Variants in BCAS3 observed in about 807,000 individuals in gnomAD.
BCAS3 encodes BCAS4/BCAS3 fusion.
BCAS3 carries 53 observed loss-of-function variants against 116.1 expected under a neutral mutation model. That is an observed-to-expected ratio of 0.46 (90% CI 0.37 to 0.57). The LOEUF (loss-of-function observed/expected upper bound fraction) is 0.57. Among genes scored for constraint, BCAS3 ranks in the 20% least tolerant of loss-of-function variants. The pLI, the probability that BCAS3 is intolerant of heterozygous loss-of-function variation, is 0.00. For synonymous variants in BCAS3, 391 were observed against 408.2 expected (o/e 0.96, Z 0.51); for missense variants, 917 against 1,165.4 (o/e 0.79, Z 3.10).
rs1467571278 is a variant in BCAS3, at chr17:61,188,904, A to G, written c.2425+104340A>G. 6.6e-6 allele frequency among the ~76,000 whole-genome samples: 1 copy of G among 152,150 alleles called. No homozygotes were observed. The highest frequency in any genetic ancestry group is 1.5e-5 in the Non-Finnish European group (1 of 68,026). On this transcript the variant is annotated intron_variant, in intron 22 of 23. Transcript: ENST00000407086. This position sits in a 1 kb window ranked among gnomAD's most constrained non-coding sequence, Gnocchi z 4.0. ...GGTGGGAGGAGCCTGGGAGGTTGAGACCAGTCTGAGCAACATAGTGAGACC... is the reference window on the plus strand; with the variant it reads ...GGTGGGAGGAGCCTGGGAGGTTGAGGCCAGTCTGAGCAACATAGTGAGACC...
At position 61,322,090 on chromosome 17, in the gene BCAS3, C is replaced by T. The variant is rs554076638; in HGVS notation, c.2426-46237C>T. Among the ~76,000 whole-genome samples, 12 of 152,134 alleles carry T rather than the reference C, an allele frequency of 7.9e-5. No homozygotes were observed. In the South Asian group the frequency reaches 1.5e-3, roughly 18 times the overall value. On this transcript the variant is annotated intron_variant, in intron 22 of 23. Coordinates refer to ENST00000407086, the MANE Select transcript of BCAS3 (RefSeq NM_017679.5). The stretch of plus-strand genomic sequence containing the variant: ...CTGGGATTACAGGCATGCACCACCA[C>T]GCCTGGCTACTTTTTGTATTTTTAG...
At chr17:60,849,249 T>C (rs1322327374) in intron 7 of BCAS3, among the ~76,000 whole-genome samples, 1 of 151,910 alleles carries the variant, frequency 6.6e-6, no homozygotes, top group East Asian at 1.9e-4. Context: ...AAATAACATG[T>C]AATTTCACAA....
At position 61,222,045 on chromosome 17, in the gene BCAS3, T is replaced by C. The variant is rs2082140063; in HGVS notation, c.2425+137481T>C. 6.6e-6 allele frequency among the ~76,000 whole-genome samples: 1 copy of C among 152,208 alleles called. No individual in the cohort carries two copies. The highest frequency in any genetic ancestry group is 1.5e-5 in the Non-Finnish European group (1 of 68,040). ...TATTACTATTACTATTAAGAATACA[T>C]ACCTGCTGCTCACTAAGTGTACATA... On this transcript the variant is annotated intron_variant, in intron 22 of 23. Coordinates refer to ENST00000407086, the MANE Select transcript of BCAS3 (RefSeq NM_017679.5). The surrounding 1 kb of genome is among the most constrained non-coding windows in gnomAD (Gnocchi z 6.1).
At chr17:61,207,447 A>G (rs2081209608) in intron 22 of BCAS3, among the ~76,000 whole-genome samples, 1 of 152,162 alleles carries the variant, frequency 6.6e-6, no homozygotes, top group East Asian at 1.9e-4. Context: ...AAATGTGTCC[A>G]AGGTTACAAA....
In BCAS3 at chr17:61,279,189, C is replaced by T. The variant is rs142279083; in HGVS notation, c.2426-89138C>T. Among the ~76,000 whole-genome samples the T allele has an allele frequency of 2.6e-3, 400 of 152,190 alleles. 2 individuals are homozygous for T. The highest frequency in any genetic ancestry group is 4.7e-3 in the Non-Finnish European group (323 of 68,002). On this transcript the variant is annotated intron_variant, in intron 22 of 23. Coordinates refer to ENST00000407086, the MANE Select transcript of BCAS3 (RefSeq NM_017679.5). This position sits in a 1 kb window ranked among gnomAD's most constrained non-coding sequence, Gnocchi z 4.4. ...CTTGAACTCCTGACCTCAAGTGATC[C>T]GCCCACCTCGGCCTCCCAAAGTGTT...
At chr17:61,024,352 A>T (rs79036143) in intron 16 of BCAS3, among the ~76,000 whole-genome samples, 245 of 152,296 alleles carry the variant, frequency 1.6e-3, no homozygotes, top group African/African-American at 5.7e-3. Context: ...CCAATTGTAC[A>T]TGCTAAACCA....
At chr17:60,865,198 A>T (rs918594976) in intron 7 of BCAS3, among the ~76,000 whole-genome samples, 3 of 145,204 alleles carry the variant, frequency 2.1e-5, no homozygotes, top group African/African-American at 7.5e-5. Context: ...TCAATTTGTT[A>T]AAAAAAAAAA....
At chr17:60,736,379 T>C (rs2040963088) in intron 5 of BCAS3, among the ~76,000 whole-genome samples, 1 of 151,850 alleles carries the variant, frequency 6.6e-6, no homozygotes, top group Non-Finnish European at 1.5e-5. Context: ...AGAGACGGTG[T>C]TTCTCCATGT....
At chr17:61,202,031 T>A (rs1456203895) in intron 22 of BCAS3, among the ~76,000 whole-genome samples, 2 of 150,072 alleles carry the variant, frequency 1.3e-5, no homozygotes, top group Non-Finnish European at 3.0e-5. Context: ...GTGCTGGGAT[T>A]ACAGGTGTGA....
rs1290137568 is a variant in BCAS3 at position 61,322,052 on chromosome 17, G to C, written c.2426-46275G>C. Among the ~76,000 whole-genome samples the C allele has an allele frequency of 2.0e-5, 3 of 152,066 alleles. No individual in the cohort carries two copies. The East Asian group carries it at 5.8e-4, about 29-fold the overall frequency. On this transcript the variant is annotated intron_variant, in intron 22 of 23. Transcript: ENST00000407086. ...AGGTTCAAGCAATTCTCCTGCCTCAGCCTCCCGAGTAGCTGGGATTACAGG... is the reference window on the plus strand; with the variant it reads ...AGGTTCAAGCAATTCTCCTGCCTCACCCTCCCGAGTAGCTGGGATTACAGG...
In BCAS3 at chr17:61,217,976, C is replaced by A. The variant is rs1200079614; in HGVS notation, c.2425+133412C>A. Reference sequence around the variant, plus strand: ...TGATAATTTAGTGGACTGGTTACCACCAGAATCCTTGGGATTATCTGACCT... The same window carrying A: ...TGATAATTTAGTGGACTGGTTACCAACAGAATCCTTGGGATTATCTGACCT... On this transcript the variant is annotated intron_variant, in intron 22 of 23. Transcript: ENST00000407086. This position sits in a 1 kb window ranked among gnomAD's most constrained non-coding sequence, Gnocchi z 5.2. Among the ~76,000 whole-genome samples, 3 of 152,146 alleles carry A rather than the reference C, an allele frequency of 2.0e-5. No homozygotes were observed. Among genetic ancestry groups the A allele is most frequent in the Admixed American group, 6.5e-5 (1 of 15,272 alleles).
In BCAS3 at chr17:61,142,993, CT is replaced by C. The variant is rs1456289905; in HGVS notation, c.2425+58433del. Among the ~76,000 whole-genome samples the C allele has an allele frequency of 4.6e-5, 7 of 152,226 alleles. No individual in the cohort carries two copies. In the East Asian group the frequency reaches 1.4e-3, roughly 29 times the overall value. On this transcript the variant is annotated intron_variant, in intron 22 of 23. Transcript: ENST00000407086. ...AGCTTTTTCTTCTAGCATTTGTTCC[CT>C]TTTAGAATCTCCCTCACCTCTCTTT...
intron 11 of BCAS3, among the ~76,000 whole-genome samples, chr17:60,906,192 A>G (rs2058179402): frequency 6.6e-6 from 1 of 152,108 alleles, no homozygotes; most frequent in African/African-American, 2.4e-5. Flanking sequence ...GGACTCTCTT[A>G]CTCTCACTAA....
intron 22 of BCAS3, among the ~76,000 whole-genome samples, chr17:61,357,290 TAAATA>T (rs2058202432): frequency 6.8e-6 from 1 of 147,952 alleles, no homozygotes; most frequent in African/African-American, 2.4e-5. Context: ...AATAAATAAA[TAAATA>T]AAATAACAGG....
intron 6 of BCAS3, among the ~76,000 whole-genome samples, chr17:60,754,423 G>C (rs1486483209): frequency 2.6e-5 from 4 of 152,048 alleles, no homozygotes; most frequent in African/African-American, 9.7e-5. Context: ...CGTGGTCGGA[G>C]ATGGGGTCCC....
chr17:60,786,229 G>A (rs1229678095), intron 6 of BCAS3, among the ~76,000 whole-genome samples: 9 of 152,086 alleles, frequency 5.9e-5, no homozygotes, highest in Admixed American at 5.9e-4. Context: ...ATAGTATGAG[G>A]GAGCCCGGAT....
chr17:60,700,379 T>G (rs2036232902), intron 4 of BCAS3, among the ~76,000 whole-genome samples: 1 of 152,136 alleles, frequency 6.6e-6, no homozygotes, highest in Non-Finnish European at 1.5e-5. Flanking sequence ...GTTCCTGGCT[T>G]TGCCAATGGG....
At chr17:61,264,408 C>CT (rs539191667) in intron 22 of BCAS3, among the ~76,000 whole-genome samples, 1,575 of 133,090 alleles carry the variant, frequency 0.012, 12 homozygotes, top group Middle Eastern at 0.016. Context: ...ATAGGTAAGT[C>CT]TTTTTTTTTT....
Position 61,034,926 on chromosome 17 carries a change from C to T in BCAS3, c.1762+136C>T. ...TTTTTTTAATGTAATTAGCATGTCA[C>T]TTCTCAACTACTCAAGCCTAGTCAA... is the stretch of plus-strand genomic sequence containing the variant. On this transcript the variant is annotated intron_variant, in intron 17 of 23. Transcript: ENST00000407086. The surrounding 1 kb of genome is among the most constrained non-coding windows in gnomAD (Gnocchi z 5.0). The T allele has an allele frequency of 1.4e-6, 1 of 737,572 alleles. No homozygotes were observed. Among genetic ancestry groups the T allele is most frequent in the African/African-American group, 1.8e-5 (1 of 55,266 alleles). The allele number at this position is 737,572 out of a possible 1,614,324, so 45.7% of individuals were successfully genotyped here.
Sources: allele counts gnomAD v4.1 joint callset (sites outside exome capture counted in the v4.1 genomes callset), GRCh38; gene constraint gnomAD v4.1.1; non-coding constraint Gnocchi (gnomAD v3.1); transcripts MANE v1.5; gene names NCBI Gene and HGNC (gene_info 2026-07-23, HGNC 2026-07-21).